Variants in DOCK4 observed in about 807,000 individuals in gnomAD.
The protein encoded by DOCK4 is dedicator of cytokinesis 4.
A neutral mutation model predicts 268.1 loss-of-function variants in DOCK4; 97 were observed. The ratio of observed to expected loss-of-function variants is 0.36; its 90% CI spans 0.31 to 0.43. The LOEUF is 0.43. Ranked by LOEUF, DOCK4 falls within the 20% of genes least tolerant of loss-of-function variation. The pLI is 1.00. For missense variants in DOCK4, 2,145 were observed against 2,455.7 expected (o/e 0.87, Z 2.67); for synonymous variants, 954 against 887.2 (o/e 1.08, Z -1.34).
At chr7:111,916,813 A>T (rs1254193321) in intron 12 of DOCK4, among the ~76,000 whole-genome samples, 1 of 151,238 alleles carries the variant, frequency 6.6e-6, no homozygotes, top group Non-Finnish European at 1.5e-5. Context: ...TATATTTTTA[A>T]TTTTTTTATT....
chr7:111,736,586 A>G (rs1408101506), intron 50 of DOCK4, among the ~76,000 whole-genome samples: 3 of 152,122 alleles, frequency 2.0e-5, no homozygotes. Context: ...GGGTGAAGCT[A>G]TTTTCATTGT....
intron 23 of DOCK4, among the ~76,000 whole-genome samples, chr7:111,851,811 A>G (rs988140640): frequency 2.6e-5 from 4 of 152,082 alleles, no homozygotes; most frequent in African/African-American, 9.7e-5. Flanking sequence ...AATGAGTGCT[A>G]TGTAAGTGTT....
At position 111,734,787 on chromosome 7, in the gene DOCK4, G is replaced by T. The variant is rs1265762879; in HGVS notation, c.5419+267C>A. ...ATGCTAGTGGCCTACCAAGGTTAGG[G>T]TGCCTCCCCGAATTTGAGAATGGTG... On this transcript the variant is annotated intron_variant, in intron 51 of 52. Transcript: ENST00000428084. 2.0e-5 allele frequency among the ~76,000 whole-genome samples: 3 copies of T among 152,172 alleles called. No individual in the cohort carries two copies. In the South Asian group the frequency reaches 6.2e-4, roughly 32 times the overall value.
At chr7:111,830,396 A>G (rs1802729783) in intron 26 of DOCK4, among the ~76,000 whole-genome samples, 2 of 152,146 alleles carry the variant, frequency 1.3e-5, no homozygotes, top group African/African-American at 4.8e-5. Flanking sequence ...ACTGCACTCC[A>G]GCCTGGGCGA....
At chr7:112,181,781 G>T (rs1323382169) in intron 1 of DOCK4, among the ~76,000 whole-genome samples, 1 of 152,086 alleles carries the variant, frequency 6.6e-6, no homozygotes, top group African/African-American at 2.4e-5. Flanking sequence ...GGATTGAAAT[G>T]GATTGAACGG....
chr7:112,019,058 T>G (rs543559274), intron 1 of DOCK4, among the ~76,000 whole-genome samples: 68 of 152,292 alleles, frequency 4.5e-4, no homozygotes, highest in Middle Eastern at 3.4e-3. Flanking sequence ...AACATTGCGA[T>G]CCAGCTAATG....
At chr7:111,909,950 A>T (rs1242276158) in intron 13 of DOCK4, among the ~76,000 whole-genome samples, 2 of 151,498 alleles carry the variant, frequency 1.3e-5, no homozygotes, top group African/African-American at 4.9e-5. Context: ...TAACAGATGG[A>T]GACCCTGTTT....
In DOCK4 at chr7:111,956,383, A is replaced by G. The variant is rs1586489501; in HGVS notation, c.702-10585T>C. Among the ~76,000 whole-genome samples the G allele has an allele frequency of 2.0e-5, 3 of 152,336 alleles. No homozygotes were observed. In the East Asian group the frequency reaches 5.8e-4, roughly 29 times the overall value. On this transcript the variant is annotated intron_variant, in intron 8 of 52. Transcript: ENST00000428084. ...CAAGCCCTGCAAAAACAGTAAGTAT[A>G]ATAAATCGTTCATGCATTTACTATC... is the stretch of plus-strand genomic sequence containing the variant.
chr7:111,901,093 G>T (rs1586313253), intron 14 of DOCK4, among the ~76,000 whole-genome samples: 2 of 152,228 alleles, frequency 1.3e-5, no homozygotes, highest in Admixed American at 1.3e-4. Context: ...CAGCACTTTG[G>T]GAAGCCAAGG....
intron 23 of DOCK4, 110 bp from the exon 24 acceptor site, chr7:111,847,236 T>C: frequency 1.5e-6 from 2 of 1,345,206 alleles, no homozygotes; most frequent in South Asian, 1.4e-5. Context: ...TATTAACACA[T>C]GTAGTTACAA....
chr7:112,067,731 C>T (rs1807207837), intron 1 of DOCK4, among the ~76,000 whole-genome samples: 1 of 152,120 alleles, frequency 6.6e-6, no homozygotes, highest in Non-Finnish European at 1.5e-5. Context: ...AACAGGAAAG[C>T]TCCCCAGGGC....
chr7:111,801,823 G>A (rs980688831), intron 30 of DOCK4: 1 of 150,050 alleles, frequency 6.7e-6, no homozygotes, highest in Non-Finnish European at 1.5e-5. Flanking sequence ...CCAAGTATCT[G>A]GGACTACAGG....
intron 25 of DOCK4, 31 bp downstream of exon 25, chr7:111,844,732 G>A: frequency 6.3e-7 from 1 of 1,598,062 alleles, no homozygotes. Context: ...ACCAGGCCCT[G>A]TTCCACGTGC....
intron 4 of DOCK4, among the ~76,000 whole-genome samples, chr7:111,997,401 T>C (rs1456533750): frequency 3.9e-5 from 6 of 152,246 alleles, no homozygotes; most frequent in Admixed American, 3.9e-4. Context: ...AGCTCACATA[T>C]ATAAGACATG....
At chr7:112,033,076 C>A (rs917745474) in intron 1 of DOCK4, among the ~76,000 whole-genome samples, 10 of 152,042 alleles carry the variant, frequency 6.6e-5, no homozygotes, top group Admixed American at 6.6e-4. Flanking sequence ...TAGTAAGAGA[C>A]ACAGTATATT....
chr7:111,887,125 T>C (rs1027044154), intron 16 of DOCK4, among the ~76,000 whole-genome samples: 2 of 152,076 alleles, frequency 1.3e-5, no homozygotes, highest in Non-Finnish European at 2.9e-5. Flanking sequence ...ATCGAGGAGG[T>C]GGAACTGACC....
intron 1 of DOCK4, among the ~76,000 whole-genome samples, chr7:112,148,668 G>GGTTTTGTTTT (rs559717040): frequency 6.6e-6 from 1 of 151,992 alleles, no homozygotes; most frequent in Non-Finnish European, 1.5e-5. Flanking sequence ...GAAAATAAAG[G>GGTTTTGTTTT]GTTTTGTTTT....
chr7:111,931,238 G>A (rs1794174969), intron 12 of DOCK4, among the ~76,000 whole-genome samples: 1 of 152,180 alleles, frequency 6.6e-6, no homozygotes, highest in Non-Finnish European at 1.5e-5. Flanking sequence ...AATGGATCCT[G>A]CCAGAGGAAG....
intron 52 of DOCK4, 92 bp downstream of exon 52, chr7:111,732,134 A>G: frequency 7.5e-7 from 1 of 1,331,656 alleles, no homozygotes; most frequent in Non-Finnish European, 1.0e-6. Flanking sequence ...GGTCCCTGCA[A>G]ATTAAAGCAC....
Sources: allele counts gnomAD v4.1 joint callset (sites outside exome capture counted in the v4.1 genomes callset), GRCh38; gene constraint gnomAD v4.1.1; transcripts MANE v1.5; gene names NCBI Gene and HGNC (gene_info 2026-07-23, HGNC 2026-07-21).